The following SCGB2B2 variants were observed in gnomAD, a reference collection of about 807,000 sequenced individuals.
SCGB2B2 encodes the protein secretoglobin-like protein.
A neutral mutation model predicts 7.6 loss-of-function variants in SCGB2B2; 11 were observed. The observed-to-expected ratio is 1.45, with a 90% confidence interval of 0.91 to 2.40. The LOEUF (loss-of-function observed/expected upper bound fraction) is 2.40, where lower values mean the gene tolerates loss of function less well. SCGB2B2 is among the 30% of genes most tolerant of loss of function. SCGB2B2 has a pLI of 0.00. For synonymous variants in SCGB2B2, 50 were observed against 48.6 expected, an observed-to-expected ratio of 1.03 and a Z score of -0.12; for missense variants, 104 against 115.4, an observed-to-expected ratio of 0.90 and a Z score of 0.45.
At chr19:34,588,533 T>A (rs2065229884), downstream of SCGB2B2, among the ~76,000 whole-genome samples, 1 of 152,182 alleles carries the variant, frequency 6.6e-6, no homozygotes, top group African/African-American at 2.4e-5. Context: ...CTAACCTGCA[T>A]AGGTTTTTGG....
intron 1 of SCGB2B2, among the ~76,000 whole-genome samples, chr19:34,638,993 A>T (rs570284281): frequency 1.8e-4 from 27 of 152,234 alleles, no homozygotes; most frequent in Non-Finnish European, 3.7e-4. Flanking sequence ...CCAGAAGCAG[A>T]CAGCATCTTA....
intron 1 of SCGB2B2, among the ~76,000 whole-genome samples, chr19:34,675,321 G>A (rs969443261): frequency 2.0e-5 from 3 of 152,218 alleles, no homozygotes; most frequent in African/African-American, 7.2e-5. Context: ...TAAGCCTTGA[G>A]AGGAAGCCAG....
intron 1 of SCGB2B2, among the ~76,000 whole-genome samples, chr19:34,606,064 C>A (rs945214725): frequency 3.3e-5 from 5 of 149,900 alleles, no homozygotes. Flanking sequence ...TTTTATTTTA[C>A]GTAGTTTTTA....
chr19:34,642,984 A>G (rs913238501), intron 1 of SCGB2B2, among the ~76,000 whole-genome samples: 1 of 152,202 alleles, frequency 6.6e-6, no homozygotes, highest in South Asian at 2.1e-4. Flanking sequence ...CACAGTCACT[A>G]TGGAAAACAG....
chr19:34,629,628 C>T (rs571644776), intron 1 of SCGB2B2, among the ~76,000 whole-genome samples: 102 of 152,082 alleles, frequency 6.7e-4, no homozygotes, highest in African/African-American at 2.4e-3. Context: ...AGGATACAAA[C>T]AAATGGAAGA....
At chr19:34,601,035 T>G (rs1237155639) in intron 1 of SCGB2B2, among the ~76,000 whole-genome samples, 1 of 152,184 alleles carries the variant, frequency 6.6e-6, no homozygotes, top group African/African-American at 2.4e-5. Context: ...CTTTGTCCAT[T>G]GAGGTCTATA....
chr19:34,623,441 G>A (rs1014177585), intron 1 of SCGB2B2, among the ~76,000 whole-genome samples: 1 of 152,150 alleles, frequency 6.6e-6, no homozygotes, highest in Non-Finnish European at 1.5e-5. Flanking sequence ...GGTAGAAAGG[G>A]CGTCCTCCTT....
chr19:34,616,242 T>C (rs1341713678), intron 1 of SCGB2B2, among the ~76,000 whole-genome samples: 2 of 150,890 alleles, frequency 1.3e-5, no homozygotes, highest in African/African-American at 4.9e-5. Flanking sequence ...TTTCTAGTTC[T>C]AGATCCCTGA....
intron 1 of SCGB2B2, among the ~76,000 whole-genome samples, chr19:34,602,846 T>C (rs924282085): frequency 2.0e-4 from 31 of 152,314 alleles, no homozygotes; most frequent in African/African-American, 7.5e-4. Flanking sequence ...CCAAGAGCCA[T>C]TCATTAAACT....
chr19:34,669,248 G>A (rs2067732955), intron 1 of SCGB2B2, among the ~76,000 whole-genome samples: 1 of 152,144 alleles, frequency 6.6e-6, no homozygotes, highest in Non-Finnish European at 1.5e-5. Context: ...TCTCTTCACT[G>A]TGTAACATGT....
intron 1 of SCGB2B2, among the ~76,000 whole-genome samples, chr19:34,637,186 A>G (rs1157818195): frequency 1.3e-5 from 2 of 152,158 alleles, no homozygotes; most frequent in African/African-American, 4.8e-5. Flanking sequence ...GATTCTGCAT[A>G]GTCACTCTGC....
At chr19:34,638,593 A>G (rs968375347) in intron 1 of SCGB2B2, among the ~76,000 whole-genome samples, 1 of 152,214 alleles carries the variant, frequency 6.6e-6, no homozygotes, top group Non-Finnish European at 1.5e-5. Flanking sequence ...TGGCCTTGAT[A>G]GCAATCAGAT....
At position 34,591,128 on chromosome 19, in the gene SCGB2B2, G is replaced by C. The variant is rs1287453603; in HGVS notation, c.*2427C>G. On this transcript the variant is annotated 3_prime_UTR_variant, in exon 4 of 4. Transcript: ENST00000601241. ...CAACTATTCCATGAGCTCCAAACTA[G>C]AGCGTCTCACACCCCCTGTGTCCCG... Among the ~76,000 whole-genome samples, 1 of 152,102 alleles carries C rather than the reference G, an allele frequency of 6.6e-6. No homozygotes were observed. Among genetic ancestry groups the C allele is most frequent in the Non-Finnish European group, 1.5e-5 (1 of 68,026 alleles).
chr19:34,599,346 C>T (rs1459847146), intron 1 of SCGB2B2, among the ~76,000 whole-genome samples: 4 of 152,224 alleles, frequency 2.6e-5, no homozygotes, highest in Non-Finnish European at 5.9e-5. Flanking sequence ...CTGTATTAGT[C>T]TCTTTTCATG....
At chr19:34,636,801 G>A (rs546018427) in intron 1 of SCGB2B2, among the ~76,000 whole-genome samples, 3 of 152,080 alleles carry the variant, frequency 2.0e-5, no homozygotes, top group Admixed American at 1.3e-4. Flanking sequence ...CAGCCCTGAC[G>A]TTAAGCCATC....
intron 1 of SCGB2B2, among the ~76,000 whole-genome samples, chr19:34,642,934 A>T (rs1600061369): frequency 6.6e-6 from 1 of 152,204 alleles, no homozygotes; most frequent in Admixed American, 6.5e-5. Flanking sequence ...ATATGGAGAA[A>T]AATGAACTCT....
At chr19:34,615,127 A>C (rs77070131) in intron 1 of SCGB2B2, among the ~76,000 whole-genome samples, 2,977 of 152,282 alleles carry the variant, frequency 0.02, 44 homozygotes, top group East Asian at 0.066. Context: ...ATTAGCCCCC[A>C]GAACAAGATG....
chr19:34,601,715 G>A (rs1600039235), intron 1 of SCGB2B2, among the ~76,000 whole-genome samples: 1 of 152,200 alleles, frequency 6.6e-6, no homozygotes, highest in Middle Eastern at 3.4e-3. Context: ...TATTTTATCT[G>A]TAGATGCTCT....
chr19:34,596,731 C>CT (rs1294955584), intron 1 of SCGB2B2, 137 bp from the exon 2 acceptor site: 1 of 152,450 alleles, frequency 6.6e-6, no homozygotes. Context: ...GAAGCACTGT[C>CT]TGAGTGGGCT....
Sources: allele counts gnomAD v4.1 joint callset (sites outside exome capture counted in the v4.1 genomes callset), GRCh38; gene constraint gnomAD v4.1.1; transcripts MANE v1.5; gene names NCBI Gene and HGNC (gene_info 2026-07-23, HGNC 2026-07-21).